Variants in SLIT2 observed in about 807,000 individuals in gnomAD.
The protein encoded by SLIT2 is slit homolog 2 protein.
A neutral mutation model predicts 185.7 loss-of-function variants in SLIT2; 41 were observed. That is an observed-to-expected ratio of 0.22 (90% CI 0.17 to 0.29). The LOEUF (loss-of-function observed/expected upper bound fraction) is 0.29, where lower values mean the gene tolerates loss of function less well. Ranked by LOEUF, SLIT2 falls within the 10% of genes least tolerant of loss-of-function variation. SLIT2 has a pLI of 1.00. For synonymous variants in SLIT2, 693 were observed against 680.2 expected (o/e 1.02, Z -0.29); for missense variants, 1,571 against 1,909.0 (o/e 0.82, Z 3.30).
At chr4:20,471,152 G>A (rs1714963174) in intron 5 of SLIT2, among the ~76,000 whole-genome samples, 1 of 152,134 alleles carries the variant, frequency 6.6e-6, no homozygotes, top group Non-Finnish European at 1.5e-5. Flanking sequence ...TTTATTTTAT[G>A]AATTAGGATC....
chr4:20,283,120 G>GCGCGCGCACACACA (rs143964894), intron 4 of SLIT2, among the ~76,000 whole-genome samples: 1 of 149,850 alleles, frequency 6.7e-6, no homozygotes, highest in East Asian at 2.0e-4. Flanking sequence ...GTGCGCGCGC[G>GCGCGCGCACACACA]CACACACACA....
At chr4:20,594,317 A>G (rs903608078) in intron 30 of SLIT2, among the ~76,000 whole-genome samples, 5 of 151,432 alleles carry the variant, frequency 3.3e-5, no homozygotes, top group Non-Finnish European at 7.4e-5. Flanking sequence ...GTGTGTATAT[A>G]TGAGAAAACT....
chr4:20,548,458 T>C (rs1723446607), intron 22 of SLIT2, 30 bp from the exon 23 acceptor site: 1 of 1,108,660 alleles, frequency 9.0e-7, no homozygotes, highest in South Asian at 1.2e-5. Context: ...CTGTGGTTAA[T>C]AGTGTACTCC....
intron 4 of SLIT2, among the ~76,000 whole-genome samples, chr4:20,458,191 C>A (rs540498003): frequency 6.6e-6 from 1 of 151,722 alleles, no homozygotes; most frequent in East Asian, 1.9e-4. Flanking sequence ...GAACTGTACA[C>A]TTCAAAGTGG....
intron 4 of SLIT2, among the ~76,000 whole-genome samples, chr4:20,384,958 G>A (rs546482264): frequency 6.6e-6 from 1 of 152,120 alleles, no homozygotes; most frequent in African/African-American, 2.4e-5. Context: ...TTGGAATGCC[G>A]TTCAGAATGC....
At chr4:20,339,220 A>G (rs1720766013) in intron 4 of SLIT2, among the ~76,000 whole-genome samples, 1 of 152,174 alleles carries the variant, frequency 6.6e-6, no homozygotes. Flanking sequence ...CAACTCTTTA[A>G]CATGATAATA....
At chr4:20,384,996 A>C (rs1384734479) in intron 4 of SLIT2, among the ~76,000 whole-genome samples, 1 of 152,166 alleles carries the variant, frequency 6.6e-6, no homozygotes, top group Non-Finnish European at 1.5e-5. Flanking sequence ...CTTTACAGTC[A>C]TTCTGCTGGT....
chr4:20,544,618 T>G (rs1302315386), intron 21 of SLIT2, among the ~76,000 whole-genome samples: 1 of 152,166 alleles, frequency 6.6e-6, no homozygotes, highest in Non-Finnish European at 1.5e-5. Flanking sequence ...AGAATCCTTC[T>G]TAGCAGTAAC....
intron 29 of SLIT2, among the ~76,000 whole-genome samples, chr4:20,580,067 A>ATATATTATGTATATAT (rs1560211758): frequency 7.5e-3 from 247 of 33,118 alleles, no homozygotes; most frequent in Middle Eastern, 0.018. Context: ...TGTATATATT[A>ATATATTATGTATATAT]TATATATATA....
chr4:20,401,234 A>G (rs1000182909), intron 4 of SLIT2, among the ~76,000 whole-genome samples: 7 of 151,858 alleles, frequency 4.6e-5, no homozygotes, highest in African/African-American at 1.7e-4. Context: ...CACCACAAGG[A>G]CACTGTCTTG....
At chr4:20,474,806 A>G (rs74346322) in intron 5 of SLIT2, among the ~76,000 whole-genome samples, 6,286 of 152,078 alleles carry the variant, frequency 0.041, 190 homozygotes, top group African/African-American at 0.072. Context: ...CCCATAAAAC[A>G]TTGTTTATTA....
chr4:20,472,250 A>ATATATCTATATATATATATATATC (rs1225217007), intron 5 of SLIT2, among the ~76,000 whole-genome samples: 2 of 43,952 alleles, frequency 4.6e-5, no homozygotes, highest in Non-Finnish European at 8.1e-5. Flanking sequence ...ATATATCTAT[A>ATATATCTATATATATATATATATC]TATAGATCTA....
At chr4:20,414,975 T>A (rs1727538474) in intron 4 of SLIT2, among the ~76,000 whole-genome samples, 1 of 152,230 alleles carries the variant, frequency 6.6e-6, no homozygotes, top group Non-Finnish European at 1.5e-5. Context: ...TATTTTTTCC[T>A]CTCCTCTACT....
At chr4:20,576,096 A>G (rs1726067069) in intron 29 of SLIT2, among the ~76,000 whole-genome samples, 2 of 152,228 alleles carry the variant, frequency 1.3e-5, no homozygotes, top group African/African-American at 4.8e-5. Context: ...CTCTGGAAAT[A>G]TCGAAGGCTG....
intron 4 of SLIT2, among the ~76,000 whole-genome samples, chr4:20,349,300 G>T (rs578104870): frequency 6.6e-6 from 1 of 152,244 alleles, no homozygotes; most frequent in Non-Finnish European, 1.5e-5. Flanking sequence ...AGGACTTGAA[G>T]AAAATTAATA....
chr4:20,294,742 T>C (rs1489542779), intron 4 of SLIT2, among the ~76,000 whole-genome samples: 1 of 152,216 alleles, frequency 6.6e-6, no homozygotes, highest in Non-Finnish European at 1.5e-5. Flanking sequence ...ACTAGCCTTG[T>C]TAATGAAAGG....
intron 4 of SLIT2, among the ~76,000 whole-genome samples, chr4:20,326,487 C>G (rs1160249722): frequency 1.3e-5 from 2 of 152,018 alleles, no homozygotes; most frequent in Admixed American, 1.3e-4. Flanking sequence ...AGTATGGCTA[C>G]CCGTCTTGCT....
At chr4:20,365,242 T>G (rs1318130859) in intron 4 of SLIT2, among the ~76,000 whole-genome samples, 1 of 152,084 alleles carries the variant, frequency 6.6e-6, no homozygotes, top group African/African-American at 2.4e-5. Context: ...TTAAGAATGG[T>G]TCATATAACA....
In SLIT2 at chr4:20,331,942, A is replaced by G. The variant is rs548770754; in HGVS notation, c.395+63061A>G. ...TTTCAATGTTCTTTCATGGTTTAGCATATATTGGTAAGTTATTCCTTTTTA... is the reference window on the plus strand; with the variant it reads ...TTTCAATGTTCTTTCATGGTTTAGCGTATATTGGTAAGTTATTCCTTTTTA... On this transcript the variant is annotated intron_variant, in intron 4 of 36. Transcript: ENST00000504154. Among the ~76,000 whole-genome samples the G allele has an allele frequency of 7.2e-5, 11 of 152,272 alleles. No homozygotes were observed. The East Asian group carries it at 1.9e-3, about 27-fold the overall frequency.
Sources: gnomAD v4.1 joint callset for allele counts (sites outside exome capture counted in the v4.1 genomes callset) on GRCh38, gnomAD v4.1.1 for gene constraint, MANE v1.5 for transcripts, NCBI Gene and HGNC (gene_info 2026-07-23, HGNC 2026-07-21) for gene names.